PITRM1: variants seen among roughly 807,000 people sequenced by gnomAD.
PITRM1 encodes the protein pitrilysin metallopeptidase 1.
In PITRM1, 100 loss-of-function variants were observed where a neutral mutation model predicts 129.9. That is an observed-to-expected ratio of 0.77 (90% CI 0.65 to 0.91). The LOEUF is 0.91. Among genes scored for constraint, PITRM1 ranks in the 40% least tolerant of loss-of-function variants. PITRM1 has a pLI of 0.00. For missense variants in PITRM1, 1,471 were observed against 1,318.3 expected (o/e 1.12, Z -1.79); for synonymous variants, 591 against 508.8 (o/e 1.16, Z -2.17).
intron 7 of PITRM1, chr10:3,163,446 T>C: frequency 4.3e-6 from 1 of 233,848 alleles, no homozygotes; most frequent in Non-Finnish European, 8.4e-6. Context: ...GCAACCAAGC[T>C]AGATGTGAGG....
intron 24 of PITRM1, 139 bp from the exon 25 acceptor site, chr10:3,139,188 C>T: frequency 1.4e-6 from 1 of 735,828 alleles, no homozygotes; most frequent in Non-Finnish European, 2.3e-6. Context: ...AAACAGCCCA[C>T]TGACAAATCG....
chr10:3,165,448 G>A lies in PITRM1; in HGVS notation c.498C>T (p.Ala166=), dbSNP rs1842783831. 6.2e-7 allele frequency: 1 copy of A among 1,613,300 alleles called. No homozygotes were observed. Among genetic ancestry groups the A allele is most frequent in the Non-Finnish European group, 8.5e-7 (1 of 1,179,584 alleles). The part of the protein sequence containing the change: ...FQNLLSVYLD[A]TFFPCLRELD... ...GCTCGCGTAAACATGGGAAAAAGGT[G>A]GCATCCAAATACACCGAGAGGAGAT... The change falls in exon 5 of 27, where the codon GCC becomes GCT. Residue 166 remains alanine (A), a synonymous_variant. Transcript: ENST00000224949.
intron 2 of PITRM1, 74 bp downstream of exon 2, chr10:3,170,030 G>A (rs1843204202): frequency 6.3e-6 from 7 of 1,117,540 alleles, no homozygotes; most frequent in Non-Finnish European, 8.1e-6. Context: ...GCCCTGAAGG[G>A]CTCCGTACAT....
chr10:3,147,260 AG>A lies in PITRM1; in HGVS notation c.2236-11del. 1 of 1,597,230 alleles carries A rather than the reference AG, an allele frequency of 6.3e-7. No homozygotes were observed. The highest frequency in any genetic ancestry group is 1.3e-5 in the African/African-American group (1 of 74,706). On this transcript the variant is annotated splice_polypyrimidine_tract_variant and intron_variant, in intron 19 of 26. Coordinates refer to ENST00000224949, the MANE Select transcript of PITRM1 (RefSeq NM_014889.4). Reference sequence around the variant, plus strand: ...TCTTCATCAGCCGCACCTAAGCCAGAGGAAACTCGCTCAGAGAGAGGCAGAG... The same window carrying A: ...TCTTCATCAGCCGCACCTAAGCCAGAGAAACTCGCTCAGAGAGAGGCAGAG...
chr10:3,172,229 T>C (rs753498643), intron 1 of PITRM1: 27 of 457,452 alleles, frequency 5.9e-5, no homozygotes, highest in South Asian at 4.2e-4. Flanking sequence ...CTAAACTGCT[T>C]CGTCATTTTT....
chr10:3,171,146 TTAAAAAAAAAAAAAAAAAAAAAAAA>T (rs1217936048), intron 1 of PITRM1, among the ~76,000 whole-genome samples: 1,538 of 36,280 alleles, frequency 0.042, 68 homozygotes, highest in Middle Eastern at 0.16. Flanking sequence ...AATCGTTCAA[TTAAAAAAAAAAAAAAAAAAAAAAAA>T]AAAAAAAAAA....
chr10:3,145,799 ATGT>A (rs1840800855), intron 20 of PITRM1, 83 bp from the exon 21 acceptor site: 3 of 1,109,228 alleles, frequency 2.7e-6, no homozygotes, highest in South Asian at 2.8e-5. Flanking sequence ...TAACTCAATA[ATGT>A]TGTTTTTATA....
chr10:3,155,611 C>A lies in PITRM1; in HGVS notation c.1601G>T (p.Arg534Met). 6.2e-7 allele frequency: 1 copy of A among 1,613,930 alleles called. No homozygotes were observed. The highest frequency in any genetic ancestry group is 8.5e-7 in the Non-Finnish European group (1 of 1,179,878). Residue 534 changes from arginine (R) to methionine (M), a missense_variant, in exon 14 of 27, where the codon AGG (arginine) becomes ATG (methionine). By Grantham distance (91) the Arg-to-Met change is moderately conservative. Coordinates refer to ENST00000224949, the MANE Select transcript of PITRM1 (RefSeq NM_014889.4). ...CTGACCTTTCTCGTAGATCTGCTGC[C>A]TGTCTCCGGGGGACAGAGCCTCGAC... is the stretch of plus-strand genomic sequence containing the variant. Reference protein sequence around the residue: ...QKVEALSPGDRQQIYEKGLEL... With the variant: ...QKVEALSPGDMQQIYEKGLEL...
chr10:3,144,089 C>CCCCA, intron 22 of PITRM1: 1 of 594,880 alleles, frequency 1.7e-6, no homozygotes, highest in Non-Finnish European at 3.0e-6. Flanking sequence ...GAGGACACAC[C>CCCCA]CCCACCAGGG....
Position 3,158,104 on chromosome 10 carries a change from T to C in PITRM1, c.1186A>G (p.Ile396Val). The change falls in exon 11 of 27, where the codon ATT (isoleucine) becomes GTT (valine). Residue 396 changes from isoleucine (I) to valine (V), a missense_variant. Physicochemically the swap from Ile to Val is conservative, Grantham distance 29 (BLOSUM62 3). Transcript: ENST00000224949. ...ACGGTCTCAATGTCTTTCTCCGCAA[T>C]CCCTTGGAGGCCGACACTAAAGTAG... ...EAYFSVGLQG[I>V]AEKDIETVRS... The C allele has an allele frequency of 6.2e-7, 1 of 1,611,168 alleles. No homozygotes were observed. Among genetic ancestry groups the C allele is most frequent in the South Asian group, 1.1e-5 (1 of 90,804 alleles).
intron 13 of PITRM1, among the ~76,000 whole-genome samples, chr10:3,156,042 G>C (rs113640082): frequency 5.9e-5 from 9 of 152,136 alleles, no homozygotes; most frequent in Non-Finnish European, 8.8e-5. Flanking sequence ...CATCTTAGTT[G>C]TAAAAAGGTT....
At chr10:3,138,590 G>A in intron 25 of PITRM1, 2 of 602,396 alleles carry the variant, frequency 3.3e-6, no homozygotes, top group East Asian at 2.8e-5. Context: ...GATGCTGTGA[G>A]CAAAAGCGGC....
intron 2 of PITRM1, among the ~76,000 whole-genome samples, chr10:3,167,345 TTTTTTTA>T: frequency 6.6e-6 from 1 of 152,368 alleles, no homozygotes; most frequent in African/African-American, 2.4e-5. Flanking sequence ...GTATTTTAGA[TTTTTTTA>T]TTTTTTAAAT....
At chr10:3,139,274 G>A (rs1839942826) in intron 24 of PITRM1, among the ~76,000 whole-genome samples, 2 of 152,200 alleles carry the variant, frequency 1.3e-5, no homozygotes, top group South Asian at 4.1e-4. Context: ...GACAAGGTCT[G>A]TCTGCACAAA....
chr10:3,140,752 T>A lies in PITRM1; in HGVS notation c.2706A>T (p.Lys902Asn). 6.3e-7 allele frequency: 1 copy of A among 1,594,420 alleles called. No homozygotes were observed. The highest frequency in any genetic ancestry group is 8.6e-7 in the Non-Finnish European group (1 of 1,168,664). Residue 902 changes from lysine to asparagine, a missense_variant, in exon 24 of 27, where the codon AAA becomes AAT. By Grantham distance (94) the Lys-to-Asn change is moderately conservative. Transcript: ENST00000224949. ...AKFLHTEIREKGGAYGGGAKL... is the reference protein window; with the variant it reads ...AKFLHTEIRENGGAYGGGAKL... ...TTGCGCCTCCACCATAAGCACCGCCTTTTTCTCGAATTTCTGTATGCAAGA... is the reference window on the plus strand; with the variant it reads ...TTGCGCCTCCACCATAAGCACCGCCATTTTCTCGAATTTCTGTATGCAAGA...
intron 2 of PITRM1, 140 bp from the exon 3 acceptor site, chr10:3,167,182 GAA>G (rs981374088): frequency 1.7e-6 from 1 of 594,742 alleles, no homozygotes; most frequent in Non-Finnish European, 3.0e-6. Flanking sequence ...GAGCTGGAGA[GAA>G]GAGAACCATC....
chr10:3,155,382 C>A (rs1420170174), intron 14 of PITRM1, among the ~76,000 whole-genome samples: 1 of 152,236 alleles, frequency 6.6e-6, no homozygotes, highest in African/African-American at 2.4e-5. Flanking sequence ...CAAGCTACTT[C>A]TTTTCAATGA....
Position 3,159,177 on chromosome 10 carries a change from GAGC to G in PITRM1, c.1008-138_1008-136del. ...GCATTTCAACATTTAACAATTTTAT[GAGC>G]AGAAGAGAATTTTCCTTAAATACCG... On this transcript the variant is annotated intron_variant, in intron 9 of 26. Coordinates refer to ENST00000224949, the MANE Select transcript of PITRM1 (RefSeq NM_014889.4). The G allele has an allele frequency of 3.7e-6, 3 of 806,676 alleles. 1 individual carries two copies. The highest frequency in any genetic ancestry group is 6.0e-4 in the Middle Eastern group (2 of 3,322). The allele number at this position is 806,676 out of a possible 1,614,324, so 50.0% of individuals were successfully genotyped here.
intron 16 of PITRM1, chr10:3,148,544 G>A: frequency 4.4e-6 from 2 of 450,918 alleles, no homozygotes; most frequent in Non-Finnish European, 7.9e-6. Flanking sequence ...AAGACACTTG[G>A]GCAGCCAGTG....
Sources: allele counts gnomAD v4.1 joint callset (sites outside exome capture counted in the v4.1 genomes callset), GRCh38; gene constraint gnomAD v4.1.1; transcripts MANE v1.5; gene names NCBI Gene and HGNC (gene_info 2026-07-23, HGNC 2026-07-21).